Variants in DOK6 observed in about 807,000 individuals in gnomAD.
The protein encoded by DOK6 is downstream of tyrosine kinase 6.
In DOK6, 22 loss-of-function variants were observed where a neutral mutation model predicts 44.0. The observed-to-expected ratio is 0.50, with a 90% CI of 0.36 to 0.71. The LOEUF (loss-of-function observed/expected upper bound fraction) is 0.71, where lower values mean the gene tolerates loss of function less well. DOK6 is among the 30% of genes least tolerant of loss of function. DOK6 has a pLI of 0.00. For synonymous variants in DOK6, 166 were observed against 145.5 expected, an observed-to-expected ratio of 1.14 and a Z score of -1.01; for missense variants, 340 against 416.4, an observed-to-expected ratio of 0.82 and a Z score of 1.60.
intron 7 of DOK6, among the ~76,000 whole-genome samples, chr18:69,820,041 T>C (rs1052775396): frequency 6.6e-5 from 10 of 152,202 alleles, no homozygotes; most frequent in Non-Finnish European, 1.2e-4. Flanking sequence ...CAGGCTTGTT[T>C]TAGCAAATGG....
chr18:69,617,528 GA>G (rs1269382345), intron 3 of DOK6, among the ~76,000 whole-genome samples: 2 of 125,142 alleles, frequency 1.6e-5, no homozygotes, highest in Non-Finnish European at 1.7e-5. Context: ...AGAAAGAAAG[GA>G]AAGAAAGAAA....
At chr18:69,620,366 C>T (rs1262024947) in intron 3 of DOK6, among the ~76,000 whole-genome samples, 1 of 152,136 alleles carries the variant, frequency 6.6e-6, no homozygotes, top group Non-Finnish European at 1.5e-5. Context: ...CACAATTACA[C>T]AAGGCTATAT....
intron 2 of DOK6, among the ~76,000 whole-genome samples, chr18:69,591,235 G>A (rs1332210009): frequency 1.3e-5 from 2 of 151,992 alleles, no homozygotes; most frequent in South Asian, 2.1e-4. Context: ...TATTCTACTT[G>A]ACAAAATAAA....
At chr18:69,655,461 G>A (rs1167977634) in intron 3 of DOK6, among the ~76,000 whole-genome samples, 1 of 152,016 alleles carries the variant, frequency 6.6e-6, no homozygotes, top group Non-Finnish European at 1.5e-5. Context: ...CATCAAGAAT[G>A]CAGCACAAAG....
chr18:69,713,169 T>A (rs1320475649), intron 5 of DOK6, among the ~76,000 whole-genome samples: 1 of 152,184 alleles, frequency 6.6e-6, no homozygotes, highest in Non-Finnish European at 1.5e-5. Context: ...CTATTATTTA[T>A]CGTTTTAAAA....
intron 1 of DOK6, among the ~76,000 whole-genome samples, chr18:69,511,689 A>T (rs997189803): frequency 6.6e-6 from 1 of 152,218 alleles, no homozygotes; most frequent in African/African-American, 2.4e-5. Context: ...TTACAGACCA[A>T]TCTCATCCCA....
intron 7 of DOK6, among the ~76,000 whole-genome samples, chr18:69,762,913 T>A (rs1022443971): frequency 1.3e-5 from 2 of 152,214 alleles, no homozygotes; most frequent in African/African-American, 4.8e-5. Flanking sequence ...TGATTAAAAG[T>A]CAAGGTGAGA....
At chr18:69,458,324 AG>A (rs2122470558) in intron 1 of DOK6, among the ~76,000 whole-genome samples, 1 of 152,338 alleles carries the variant, frequency 6.6e-6, no homozygotes, top group East Asian at 1.9e-4. Context: ...ACACAGAAAA[AG>A]CTTTTGATAA....
At chr18:69,407,835 T>C (rs947621258) in intron 1 of DOK6, among the ~76,000 whole-genome samples, 3 of 152,352 alleles carry the variant, frequency 2.0e-5, no homozygotes, top group African/African-American at 4.8e-5. Flanking sequence ...TCTTGGTTAA[T>C]TTTTATTTTT....
chr18:69,487,432 G>T (rs889277090), intron 1 of DOK6, among the ~76,000 whole-genome samples: 1 of 152,168 alleles, frequency 6.6e-6, no homozygotes, highest in African/African-American at 2.4e-5. Flanking sequence ...GGCAAAATCT[G>T]CCCCCAGTGT....
At chr18:69,428,303 A>G (rs1179006640) in intron 1 of DOK6, among the ~76,000 whole-genome samples, 1 of 152,086 alleles carries the variant, frequency 6.6e-6, no homozygotes, top group African/African-American at 2.4e-5. Context: ...TACAAATTTG[A>G]TAAATTAAAG....
chr18:69,834,433 GATAGAAGGA>G (rs2145134987), intron 7 of DOK6, among the ~76,000 whole-genome samples: 1 of 152,142 alleles, frequency 6.6e-6, no homozygotes, highest in Admixed American at 6.5e-5. Context: ...AATACAGTTA[GATAGAAGGA>G]ATAAGTTTCA....
At chr18:69,590,162 A>C (rs1261337125) in intron 2 of DOK6, among the ~76,000 whole-genome samples, 4 of 152,182 alleles carry the variant, frequency 2.6e-5, no homozygotes, top group African/African-American at 9.6e-5. Context: ...ATAAGTAAAT[A>C]AATCCTATGT....
chr18:69,521,447 A>T (rs1040932790), intron 1 of DOK6, among the ~76,000 whole-genome samples: 3 of 45,126 alleles, frequency 6.6e-5, no homozygotes, highest in Admixed American at 2.0e-4. Flanking sequence ...ACAGTCATTT[A>T]AAAAAAAAAA....
At position 69,565,519 on chromosome 18, in the gene DOK6, GTGTATATATA is replaced by G. The variant is rs1180303506; in HGVS notation, c.174+927_174+936del. Among the ~76,000 whole-genome samples the G allele has an allele frequency of 3.8e-3, 22 of 5,812 alleles. No homozygotes were observed. The East Asian group carries it at 0.096, about 25-fold the overall frequency. 3.8% of individuals were successfully genotyped at this position (5,812 alleles called of 152,430 possible). On this transcript the variant is annotated intron_variant, in intron 2 of 7. Transcript: ENST00000382713. Reference sequence around the variant, plus strand: ...TGTGTGTGTGTGTGTGTGTGTGTGTGTGTATATATATATACATAATTTTAAAAATATTTTA... The same window carrying G: ...TGTGTGTGTGTGTGTGTGTGTGTGTGTATACATAATTTTAAAAATATTTTA...
At chr18:69,617,843 C>A (rs1367947926) in intron 3 of DOK6, among the ~76,000 whole-genome samples, 1 of 151,858 alleles carries the variant, frequency 6.6e-6, no homozygotes, top group Non-Finnish European at 1.5e-5. Flanking sequence ...GATTTGTGTC[C>A]CCACAAAACG....
At chr18:69,815,194 C>T (rs187608258) in intron 7 of DOK6, among the ~76,000 whole-genome samples, 128 of 152,114 alleles carry the variant, frequency 8.4e-4, no homozygotes, top group Middle Eastern at 6.8e-3. Context: ...GGGAGGGAGG[C>T]GGGCCACACA....
At chr18:69,566,144 T>TTTACTTAC (rs879454608) in intron 2 of DOK6, among the ~76,000 whole-genome samples, 22 of 144,728 alleles carry the variant, frequency 1.5e-4, no homozygotes, top group African/African-American at 5.5e-4. Flanking sequence ...TATTTATTTA[T>TTTACTTAC]TTACTTATTT....
intron 3 of DOK6, among the ~76,000 whole-genome samples, chr18:69,656,958 C>T (rs1985384451): frequency 6.6e-6 from 1 of 151,952 alleles, no homozygotes; most frequent in Non-Finnish European, 1.5e-5. Flanking sequence ...ATTTCTAATG[C>T]ATAATAAAGT....
Sources: allele counts gnomAD v4.1 joint callset (sites outside exome capture counted in the v4.1 genomes callset), GRCh38; gene constraint gnomAD v4.1.1; transcripts MANE v1.5; gene names NCBI Gene and HGNC (gene_info 2026-07-23, HGNC 2026-07-21).